PCDHA1: variants seen among roughly 807,000 people sequenced by gnomAD.
PCDHA1 encodes protocadherin alpha 1.
PCDHA1 carries 42 observed loss-of-function variants against 61.3 expected under a neutral mutation model. The ratio of observed to expected loss-of-function variants is 0.69; its 90% CI spans 0.54 to 0.89. The LOEUF is 0.89. Among genes scored for constraint, PCDHA1 ranks in the 40% least tolerant of loss-of-function variants. The pLI is 0.00. For synonymous variants in PCDHA1, 610 were observed against 553.8 expected, an observed-to-expected ratio of 1.10 and a Z score of -1.43; for missense variants, 1,256 against 1,235.3, an observed-to-expected ratio of 1.02 and a Z score of -0.25.
intron 1 of PCDHA1, chr5:140,797,320 A>T (rs782081459): frequency 1.2e-6 from 2 of 1,614,212 alleles, no homozygotes; most frequent in South Asian, 1.1e-5. Context: ...CGCAGAAGAG[A>T]AACAGCTCTC....
intron 1 of PCDHA1, among the ~76,000 whole-genome samples, chr5:140,881,116 TG>T (rs1181000408): frequency 3.3e-5 from 5 of 152,242 alleles, no homozygotes; most frequent in African/African-American, 7.2e-5. Flanking sequence ...CCTGGGATTT[TG>T]TGGCTTGGTA....
intron 2 of PCDHA1, 72 bp downstream of exon 2, chr5:140,979,079 T>C (rs1019875909): frequency 9.5e-6 from 15 of 1,584,162 alleles, no homozygotes; most frequent in African/African-American, 6.8e-5. Flanking sequence ...TGCATCTCCA[T>C]AGGCCAGAAG....
chr5:140,998,017 C>T (rs555584429), intron 3 of PCDHA1, among the ~76,000 whole-genome samples: 67 of 152,292 alleles, frequency 4.4e-4, no homozygotes, highest in African/African-American at 1.4e-3. Context: ...ATCCCCACCT[C>T]GAGCTAGTGC....
At chr5:140,917,637 A>T (rs1257346290) in intron 1 of PCDHA1, among the ~76,000 whole-genome samples, 1 of 152,192 alleles carries the variant, frequency 6.6e-6, no homozygotes, top group Non-Finnish European at 1.5e-5. Context: ...TTAGCTAGTT[A>T]TCCCAGCAAT....
chr5:140,877,308 A>C lies in PCDHA1; in HGVS notation c.2394+88624A>C, dbSNP rs2057012120. ...ACGCTTGGCTGTCCTACGAGTTGCAACCGGCGGCGGTCGGCGCGCACATCC... is the reference window on the plus strand; with the variant it reads ...ACGCTTGGCTGTCCTACGAGTTGCACCCGGCGGCGGTCGGCGCGCACATCC... On this transcript the variant is annotated intron_variant, in intron 1 of 3. Coordinates refer to ENST00000504120, the MANE Select transcript of PCDHA1 (RefSeq NM_018900.4). The C allele has an allele frequency of 1.9e-6, 3 of 1,613,898 alleles. No individual in the cohort carries two copies. In the East Asian group the frequency reaches 6.7e-5, roughly 36 times the overall value.
chr5:140,810,014 C>T (rs1474813044), intron 1 of PCDHA1: 2 of 155,844 alleles, frequency 1.3e-5, no homozygotes, highest in Non-Finnish European at 2.8e-5. Context: ...ATTTTTCCTC[C>T]AGTGTAACCG....
At position 140,848,191 on chromosome 5, in the gene PCDHA1, G is replaced by A. The variant is rs1210714904; in HGVS notation, c.2394+59507G>A. On this transcript the variant is annotated intron_variant, in intron 1 of 3. Transcript: ENST00000504120. ...TCCAGCAAGAGAAACGGGATCTTCTGTTTCAACAATCATTACTTAAGAAAA... is the reference window on the plus strand; with the variant it reads ...TCCAGCAAGAGAAACGGGATCTTCTATTTCAACAATCATTACTTAAGAAAA... 1.3e-5 allele frequency: 4 copies of A among 297,926 alleles called. No homozygotes were observed. The East Asian group carries it at 2.5e-4, about 18-fold the overall frequency. The allele number at this position is 297,926 out of a possible 1,614,324, so 18.5% of individuals were successfully genotyped here.
chr5:140,807,234 T>G (rs782807464), intron 1 of PCDHA1: 1 of 1,614,212 alleles, frequency 6.2e-7, no homozygotes, highest in South Asian at 1.1e-5. Flanking sequence ...CGTCTGCTGC[T>G]CTTACTTCTT....
intron 1 of PCDHA1, chr5:140,869,761 C>T (rs782673770): frequency 6.2e-7 from 1 of 1,613,150 alleles, no homozygotes; most frequent in Non-Finnish European, 8.5e-7. Context: ...CGGGGGAAAA[C>T]CAGAGCTTAC....
At chr5:140,822,537 A>T (rs2150117111) in intron 1 of PCDHA1, 1 of 1,613,856 alleles carries the variant, frequency 6.2e-7, no homozygotes, top group East Asian at 2.2e-5. Context: ...TGGAAAATGC[A>T]CCAAGTGGGA....
At chr5:140,916,760 G>A (rs1387005871) in intron 1 of PCDHA1, among the ~76,000 whole-genome samples, 1 of 152,180 alleles carries the variant, frequency 6.6e-6, no homozygotes, top group Non-Finnish European at 1.5e-5. Context: ...ATTAGGGGAG[G>A]GGTGGCACAA....
chr5:140,882,336 C>T, intron 1 of PCDHA1: 1 of 1,614,162 alleles, frequency 6.2e-7, no homozygotes, highest in Non-Finnish European at 8.5e-7. Flanking sequence ...ATCCTCGCAG[C>T]CTGGGAGACG....
At chr5:140,856,393 T>A in intron 1 of PCDHA1, 1 of 1,598,412 alleles carries the variant, frequency 6.3e-7, no homozygotes, top group African/African-American at 1.3e-5. Flanking sequence ...CGCTGCAGGT[T>A]TTCCATGTGG....
chr5:140,869,450 T>C, intron 1 of PCDHA1: 1 of 1,614,098 alleles, frequency 6.2e-7, no homozygotes, highest in Non-Finnish European at 8.5e-7. Flanking sequence ...CCGCTGCAGG[T>C]TTTCCATGTG....
In PCDHA1 at chr5:140,786,593, G is replaced by A; in HGVS notation, c.303G>A (p.Glu101=). ...DREELCQWSA[E]CSIHLELIAD... is the part of the protein sequence containing the mutation. ...AGGAGCTGTGCCAGTGGAGCGCGGA[G>A]TGCAGCATCCACCTGGAGTTGATCG... Residue 101 remains glutamate, a synonymous_variant, in exon 1 of 4, where the codon GAG becomes GAA. Coordinates refer to ENST00000504120, the MANE Select transcript of PCDHA1 (RefSeq NM_018900.4). 2 of 1,614,278 alleles carry A rather than the reference G, an allele frequency of 1.2e-6. No homozygotes were observed. The highest frequency in any genetic ancestry group is 1.7e-6 in the Non-Finnish European group (2 of 1,180,052).
At chr5:140,952,389 ACT>A (rs2094739055) in intron 1 of PCDHA1, among the ~76,000 whole-genome samples, 2 of 151,722 alleles carry the variant, frequency 1.3e-5, no homozygotes, top group African/African-American at 4.8e-5. Flanking sequence ...GGTACCCTAA[ACT>A]CATCATTCTC....
chr5:140,858,007 T>C lies in PCDHA1; in HGVS notation c.2394+69323T>C, dbSNP rs1383838363. 3.1e-6 allele frequency: 5 copies of C among 1,596,728 alleles called. 1 individual carries two copies. Among genetic ancestry groups the C allele is most frequent in the Admixed American group, 1.7e-5 (1 of 59,162 alleles). On this transcript the variant is annotated intron_variant, in intron 1 of 3. Coordinates refer to ENST00000504120, the MANE Select transcript of PCDHA1 (RefSeq NM_018900.4). ...GCCTACTGGTGCTGGTGAAGGACCA[T>C]GGCGAGCCGTCGCTGACGGCCACGG... is the stretch of plus-strand genomic sequence containing the variant.
chr5:140,911,036 G>A (rs2075296113), intron 1 of PCDHA1, among the ~76,000 whole-genome samples: 1 of 152,104 alleles, frequency 6.6e-6, no homozygotes, highest in African/African-American at 2.4e-5. Flanking sequence ...AGGTCTAGAA[G>A]CAAACAGGGG....
At chr5:140,990,224 G>T (rs1368393390) in intron 3 of PCDHA1, among the ~76,000 whole-genome samples, 1 of 152,160 alleles carries the variant, frequency 6.6e-6, no homozygotes, top group Non-Finnish European at 1.5e-5. Flanking sequence ...GAAGTTTATT[G>T]TAACTAGCGT....
Sources: gnomAD v4.1 joint callset for allele counts (sites outside exome capture counted in the v4.1 genomes callset) on GRCh38, gnomAD v4.1.1 for gene constraint, MANE v1.5 for transcripts, NCBI Gene and HGNC (gene_info 2026-07-23, HGNC 2026-07-21) for gene names.